ANKRD30A: variants seen among roughly 807,000 people sequenced by gnomAD.
The protein encoded by ANKRD30A is ankyrin repeat domain 30A.
Under a neutral mutation model 166.3 loss-of-function variants are expected in ANKRD30A, and 170 were observed. That is an observed-to-expected ratio of 1.02 (90% CI 0.90 to 1.16). ANKRD30A has a LOEUF of 1.16. Ranked by LOEUF, ANKRD30A falls within the 50% of genes most tolerant of loss-of-function variation. ANKRD30A has a pLI of 0.00. For missense variants in ANKRD30A, 1,630 were observed against 1,518.0 expected (o/e 1.07, Z -1.23); for synonymous variants, 564 against 508.9 (o/e 1.11, Z -1.46).
Position 37,190,199 on chromosome 10 carries a change from C to G in ANKRD30A, c.2512+642C>G, listed in dbSNP as rs181386954. Among the ~76,000 whole-genome samples the G allele has an allele frequency of 9.9e-5, 15 of 151,970 alleles. 2 individuals carry two copies. The highest frequency in any genetic ancestry group is 3.6e-4 in the African/African-American group (15 of 41,346). On this transcript the variant is annotated intron_variant, in intron 25 of 35. Transcript: ENST00000361713. ...AGGTTTTCAAACTTTAGAAAGTCAG[C>G]TGAAAACCTTGTTAACAATTCACAC...
chr10:37,156,182 A>C (rs962109713), intron 13 of ANKRD30A, among the ~76,000 whole-genome samples: 4 of 152,136 alleles, frequency 2.6e-5, no homozygotes, highest in African/African-American at 7.2e-5. Context: ...TACGGATGTC[A>C]ACAAGCCTTT....
chr10:37,145,971 C>T (rs1837478430), intron 8 of ANKRD30A, among the ~76,000 whole-genome samples: 1 of 152,284 alleles, frequency 6.6e-6, no homozygotes, highest in East Asian at 1.9e-4. Context: ...AGATAGAACT[C>T]TTTGAGTCCG....
chr10:37,262,821 A>G, the ANKRD30A span, among the ~76,000 whole-genome samples: 6 of 152,330 alleles, frequency 3.9e-5, no homozygotes, highest in Non-Finnish European at 7.3e-5. Context: ...ACACAAATAT[A>G]TAGAAAATAA....
chr10:37,261,126 AC>A, the ANKRD30A span, among the ~76,000 whole-genome samples: 2 of 152,140 alleles, frequency 1.3e-5, no homozygotes, highest in African/African-American at 4.8e-5. Flanking sequence ...ATAGGCTCTG[AC>A]CCCTCAGGAT....
In ANKRD30A at chr10:37,216,265, G is replaced by A. The variant is rs1447791687; in HGVS notation, c.2954G>A (p.Arg985His). 2.5e-6 allele frequency: 4 copies of A among 1,608,048 alleles called. No homozygotes were observed. Among genetic ancestry groups the A allele is most frequent in the East Asian group, 2.2e-5 (1 of 44,670 alleles). The change falls in exon 32 of 36, where the codon CGT becomes CAT. Residue 985 changes from arginine (R) to histidine (H), a missense_variant. This residue lies in a region of ANKRD30A where 712 missense variants were observed against 629.3 expected (regional missense o/e 1.13). Coordinates refer to ENST00000361713, the MANE Select transcript of ANKRD30A (RefSeq NM_052997.3). ...CTTCAAAAAGATCACTGTGAACAAC[G>A]TACAGGAAAAATGGAACAAATGAAA... is the stretch of plus-strand genomic sequence containing the variant. ...RELQKDHCEQRTGKMEQMKKK... is the reference protein window; with the variant it reads ...RELQKDHCEQHTGKMEQMKKK...
intron 24 of ANKRD30A, among the ~76,000 whole-genome samples, chr10:37,183,735 G>A (rs1290713976): frequency 6.8e-6 from 1 of 148,122 alleles, no homozygotes; most frequent in South Asian, 2.2e-4. Context: ...AGATATTGAT[G>A]CCTTGAGAAT....
intron 12 of ANKRD30A, among the ~76,000 whole-genome samples, chr10:37,152,588 T>C (rs1427027617): frequency 6.6e-6 from 1 of 152,142 alleles, no homozygotes; most frequent in Non-Finnish European, 1.5e-5. Context: ...ATGTTTATTG[T>C]TCAGTATAGA....
intron 21 of ANKRD30A, among the ~76,000 whole-genome samples, chr10:37,172,558 T>C (rs1839665398): frequency 2.0e-5 from 3 of 146,600 alleles, no homozygotes; most frequent in South Asian, 4.3e-4. Flanking sequence ...TTTTTTTTTT[T>C]TTTTTTTTAG....
At position 37,134,070 on chromosome 10, in the gene ANKRD30A, A is replaced by G. The variant is rs1343731440; in HGVS notation, c.755+17A>G. On this transcript the variant is annotated intron_variant, in intron 5 of 35. Transcript: ENST00000361713. ...ATTTCATCAGTAAGTGTTTACGTTT[A>G]GAGGCTAGGTGAGATTTTATAGTTT... 3.1e-6 allele frequency: 5 copies of G among 1,612,952 alleles called. No homozygotes were observed. In the African/African-American group the frequency reaches 6.7e-5, roughly 22 times the overall value.
At chr10:37,192,316 T>A (rs1397909208) in intron 25 of ANKRD30A, among the ~76,000 whole-genome samples, 3 of 151,992 alleles carry the variant, frequency 2.0e-5, no homozygotes, top group African/African-American at 4.8e-5. Context: ...ATTGCTGGAA[T>A]TACAGGCATG....
At chr10:37,155,794 A>T (rs184856298) in intron 13 of ANKRD30A, among the ~76,000 whole-genome samples, 3 of 152,192 alleles carry the variant, frequency 2.0e-5, no homozygotes, top group African/African-American at 7.2e-5. Context: ...TTATTTTAAG[A>T]TTTCAGGCCA....
chr10:37,159,958 C>G (rs1349544620), intron 15 of ANKRD30A, among the ~76,000 whole-genome samples: 4 of 152,112 alleles, frequency 2.6e-5, no homozygotes. Flanking sequence ...CTCGGCCTCC[C>G]AAAGTACTGG....
intron 17 of ANKRD30A, among the ~76,000 whole-genome samples, chr10:37,164,546 T>A (rs1234229272): frequency 3.3e-5 from 5 of 152,112 alleles, no homozygotes; most frequent in Non-Finnish European, 4.4e-5. Flanking sequence ...CTAAAGCATA[T>A]ACACACGCAA....
At chr10:37,157,841 A>G (rs1628044) in intron 13 of ANKRD30A, among the ~76,000 whole-genome samples, 12 of 152,346 alleles carry the variant, frequency 7.9e-5, no homozygotes, top group East Asian at 1.9e-4. Context: ...ATATGCTGCT[A>G]AATTTAGAAC....
chr10:37,233,677 G>A (rs915856674), downstream of ANKRD30A, among the ~76,000 whole-genome samples: 5 of 152,132 alleles, frequency 3.3e-5, no homozygotes, highest in African/African-American at 1.2e-4. Context: ...TCAGTGACAT[G>A]TTTTCATACC....
At chr10:37,241,920 G>A in the ANKRD30A span, 2 of 152,060 alleles carry the variant, frequency 1.3e-5, no homozygotes, top group Admixed American at 6.6e-5. Flanking sequence ...AATTGCTGAC[G>A]CTCTACCGTG....
Position 37,202,230 on chromosome 10 carries a change from G to T in ANKRD30A, c.2869+905G>T, listed in dbSNP as rs148786300. On this transcript the variant is annotated intron_variant, in intron 31 of 35. Transcript: ENST00000361713. The stretch of plus-strand genomic sequence containing the variant: ...AAGGGGCAACGCAATAGAAATTGTA[G>T]ATGGAAGTAAAGCAGTCCTCAGCAA... Among the ~76,000 whole-genome samples, 32 of 152,060 alleles carry T rather than the reference G, an allele frequency of 2.1e-4. 1 individual carries two copies. The highest frequency in any genetic ancestry group is 4.4e-4 in the Non-Finnish European group (30 of 67,892).
rs113525905 is a variant in ANKRD30A, at chr10:37,158,523, G to A, written c.1837G>A (p.Gly613Arg). 545 of 1,613,232 alleles carry A rather than the reference G, an allele frequency of 3.4e-4. 1 individual carries two copies. Among genetic ancestry groups the A allele is most frequent in the Middle Eastern group, 2.3e-3 (14 of 6,052 alleles). ...NKDGLLKATC[G>R]MKVSIPTKAL... Reference sequence around the variant, plus strand: ...TTCCAAACCCATTTAGGCTACCTGCGGAATGAAAGTTTCTATTCCAACTAA... The same window carrying A: ...TTCCAAACCCATTTAGGCTACCTGCAGAATGAAAGTTTCTATTCCAACTAA... The change falls in exon 15 of 36, where the codon GGA (glycine) becomes AGA (arginine). Residue 613 changes from glycine to arginine, a missense_variant. Transcript: ENST00000361713.
the ANKRD30A span, among the ~76,000 whole-genome samples, chr10:37,265,373 T>C: frequency 3.9e-5 from 6 of 152,268 alleles, no homozygotes; most frequent in South Asian, 1.2e-3. Context: ...ACCCTGGGGT[T>C]GCCCGCAGCA....
Sources: allele counts gnomAD v4.1 joint callset (sites outside exome capture counted in the v4.1 genomes callset), GRCh38; gene constraint gnomAD v4.1.1; regional missense constraint gnomAD v4.1.1; transcripts MANE v1.5; gene names NCBI Gene and HGNC (gene_info 2026-07-23, HGNC 2026-07-21).